Variants in MLXIPL observed in about 807,000 individuals in gnomAD.
The protein encoded by MLXIPL is MLX interacting protein like.
Under a neutral mutation model 81.5 loss-of-function variants are expected in MLXIPL, and 49 were observed. That is an observed-to-expected ratio of 0.60 (90% CI 0.48 to 0.76). The LOEUF is 0.76. Ranked by LOEUF, MLXIPL falls within the 30% of genes least tolerant of loss-of-function variation. MLXIPL has a pLI of 0.00. For missense variants in MLXIPL, 1,053 were observed against 1,167.0 expected (o/e 0.90, Z 1.42); for synonymous variants, 466 against 485.5 (o/e 0.96, Z 0.53).
At chr7:73,639,314 T>C in the MLXIPL span, among the ~76,000 whole-genome samples, 2 of 152,354 alleles carry the variant, frequency 1.3e-5, no homozygotes, top group East Asian at 3.9e-4. Flanking sequence ...CTTTGACCCA[T>C]CAAATTTACT....
In MLXIPL at chr7:73,597,389, C is replaced by T; in HGVS notation, c.1396G>A (p.Ala466Thr). The change falls in exon 9 of 17, where the codon GCC becomes ACC. Residue 466 changes from alanine to threonine, a missense_variant. Transcript: ENST00000313375. ...AGCTCTATGGGGAAGGGGGTGGGGG[C>T]TGGGCTGGGGACAGACTGTGGGGTG... Reference protein sequence around the residue: ...PPTPQSVPSPAPTPFPIELLP... With the variant: ...PPTPQSVPSPTPTPFPIELLP... 2.6e-6 allele frequency: 1 copy of T among 379,824 alleles called. No homozygotes were observed. Among genetic ancestry groups the T allele is most frequent in the South Asian group, 4.5e-5 (1 of 22,052 alleles). 23.5% of individuals were successfully genotyped at this position (379,824 alleles called of 1,614,324 possible).
chr7:73,627,739 A>C (rs999769619), upstream of MLXIPL, among the ~76,000 whole-genome samples: 1 of 152,094 alleles, frequency 6.6e-6, no homozygotes, highest in Non-Finnish European at 1.5e-5. Flanking sequence ...AGAAAGGGGC[A>C]TGAGACTAAG....
intron 7 of MLXIPL, among the ~76,000 whole-genome samples, chr7:73,601,554 A>G (rs79288040): frequency 0.03 from 4,531 of 152,098 alleles, 230 homozygotes; most frequent in African/African-American, 0.1. Context: ...GAAGTTAGCC[A>G]CCGTGCCTTG....
chr7:73,627,714 T>C (rs1554604061), upstream of MLXIPL, among the ~76,000 whole-genome samples: 1 of 152,026 alleles, frequency 6.6e-6, no homozygotes, highest in Non-Finnish European at 1.5e-5. Context: ...ACCTGGAGAC[T>C]TGGGGGATGC....
Position 73,605,913 on chromosome 7 carries a change from C to T in MLXIPL, c.817G>A (p.Asp273Asn). The T allele has an allele frequency of 1.9e-6, 3 of 1,583,488 alleles. No individual in the cohort carries two copies. Among genetic ancestry groups the T allele is most frequent in the Non-Finnish European group, 2.6e-6 (3 of 1,164,176 alleles). Reference protein sequence around the residue: ...GPSPLQLPPEDAYVGNADMIQ... With the variant: ...GPSPLQLPPENAYVGNADMIQ... Reference sequence around the variant, plus strand: ...CTGCCCTTTCTCAGACCCTCACCATCCTCAGGCGGCAGCTGCAGGGGCGAA... The same window carrying T: ...CTGCCCTTTCTCAGACCCTCACCATTCTCAGGCGGCAGCTGCAGGGGCGAA... The change falls in exon 6 of 17, where the codon GAT (aspartate) becomes AAT (asparagine). Residue 273 changes from aspartate to asparagine, a missense_variant. Coordinates refer to ENST00000313375, the MANE Select transcript of MLXIPL (RefSeq NM_032951.3).
chr7:73,606,234 C>CCTTT (rs1427004572), intron 5 of MLXIPL, 123 bp from the exon 6 acceptor site: 1 of 1,039,736 alleles, frequency 9.6e-7, no homozygotes, highest in Non-Finnish European at 1.4e-6. Flanking sequence ...ACCTCTGTCA[C>CCTTT]CTTTCCCTAG....
chr7:73,629,427 G>T (rs1796800987), upstream of MLXIPL, among the ~76,000 whole-genome samples: 2 of 152,034 alleles, frequency 1.3e-5, no homozygotes, highest in African/African-American at 4.8e-5. Flanking sequence ...CCACTAGATG[G>T]CAAATTCCTT....
At chr7:73,594,054 A>C (rs1161574068) in intron 16 of MLXIPL, 71 bp from the exon 17 acceptor site, 1 of 1,445,550 alleles carries the variant, frequency 6.9e-7, no homozygotes, top group African/African-American at 1.4e-5. Flanking sequence ...ATGTGGAACC[A>C]AAGGGATAGG....
At chr7:73,620,680 T>C (rs1554601772) in intron 1 of MLXIPL, among the ~76,000 whole-genome samples, 1 of 151,052 alleles carries the variant, frequency 6.6e-6, no homozygotes, top group African/African-American at 2.4e-5. Context: ...GGGTGGAGGT[T>C]GCAGTGAGCT....
At chr7:73,621,757 C>G (rs541236713) in intron 1 of MLXIPL, among the ~76,000 whole-genome samples, 25 of 106,256 alleles carry the variant, frequency 2.4e-4, no homozygotes, top group African/African-American at 8.8e-4. Context: ...CCCTCCCTCC[C>G]TCCCTTCCTC....
rs782654272 is a variant in MLXIPL at position 73,596,903 on chromosome 7, G to C, written c.1633C>G (p.Leu545Val). Residue 545 changes from leucine (L) to valine (V), a missense_variant, in exon 10 of 17, where the codon CTT (leucine) becomes GTT (valine). Leu to Val is a conservative substitution (Grantham distance 32). Around this residue, in one of 3 missense-constraint regions of MLXIPL, gnomAD observed 823 missense variants for 933.0 expected, o/e 0.88. Coordinates refer to ENST00000313375, the MANE Select transcript of MLXIPL (RefSeq NM_032951.3). The surrounding 1 kb of genome is among the most constrained non-coding windows in gnomAD (Gnocchi z 4.7). ...GACCGGAGGAGGGTGCTGGATACAA[G>C]TGGTGGCTCCAGGGCTTGCTCCGGC... ...AKPEQALEPP[L>V]VSSTLLRSPG... The C allele has an allele frequency of 2.5e-6, 4 of 1,611,020 alleles. No homozygotes were observed. The highest frequency in any genetic ancestry group is 2.5e-6 in the Non-Finnish European group (3 of 1,179,702).
chr7:73,607,853 C>CTTTTTTTTTTTTTTTTTTTTT (rs1166806013), intron 2 of MLXIPL, among the ~76,000 whole-genome samples, 181 bp from the exon 3 acceptor site: 1 of 110,360 alleles, frequency 9.1e-6, no homozygotes, highest in Non-Finnish European at 1.8e-5. Context: ...CTAGATCTTC[C>CTTTTTTTTTTTTTTTTTTTTT]TTTTTTTTTT....
intron 16 of MLXIPL, 81 bp downstream of exon 16, chr7:73,594,193 T>C (rs1794077107): frequency 6.3e-7 from 1 of 1,592,252 alleles, no homozygotes; most frequent in Admixed American, 1.7e-5. Flanking sequence ...GCAAGCTGGA[T>C]GTGGGATCTA....
chr7:73,600,669 G>A (rs1486719478), intron 7 of MLXIPL, among the ~76,000 whole-genome samples: 1 of 122,108 alleles, frequency 8.2e-6, no homozygotes, highest in African/African-American at 3.1e-5. Flanking sequence ...GGGGCCTAAG[G>A]CTGGGCTCCG....
chr7:73,647,860 C>T, the MLXIPL span, among the ~76,000 whole-genome samples: 1 of 150,500 alleles, frequency 6.6e-6, no homozygotes, highest in East Asian at 1.9e-4. Flanking sequence ...TGCTTGGGAC[C>T]GCCGGACCGC....
chr7:73,617,409 C>A (rs1473138416), intron 1 of MLXIPL, among the ~76,000 whole-genome samples: 3 of 152,074 alleles, frequency 2.0e-5, no homozygotes, highest in Admixed American at 2.0e-4. Context: ...GGGTGGCAAC[C>A]TGGACTCAGC....
At chr7:73,620,221 T>C (rs1796254093) in intron 1 of MLXIPL, among the ~76,000 whole-genome samples, 1 of 150,696 alleles carries the variant, frequency 6.6e-6, no homozygotes, top group Non-Finnish European at 1.5e-5. Context: ...CTGGCTAACA[T>C]GGAGAAACCC....
the MLXIPL span, among the ~76,000 whole-genome samples, chr7:73,639,549 C>T: frequency 1.3e-5 from 2 of 151,922 alleles, no homozygotes; most frequent in Non-Finnish European, 2.9e-5. Flanking sequence ...GAGGCTGAGG[C>T]AGGAGGATCG....
chr7:73,634,876 C>T, the MLXIPL span, among the ~76,000 whole-genome samples: 6 of 148,632 alleles, frequency 4.0e-5, no homozygotes, highest in African/African-American at 7.5e-5. Context: ...AGTGCAGGGG[C>T]GGGATCTTGG....
Sources: gnomAD v4.1 joint callset for allele counts (sites outside exome capture counted in the v4.1 genomes callset) on GRCh38, gnomAD v4.1.1 for gene constraint, gnomAD v4.1.1 regional missense constraint, Gnocchi (gnomAD v3.1) non-coding constraint, MANE v1.5 for transcripts, NCBI Gene and HGNC (gene_info 2026-07-23, HGNC 2026-07-21) for gene names.